The following DPP10 variants were observed in gnomAD, a reference collection of about 807,000 sequenced individuals.
DPP10 encodes dipeptidyl peptidase like 10.
Under a neutral mutation model 120.9 loss-of-function variants are expected in DPP10, and 33 were observed. The ratio of observed to expected loss-of-function variants is 0.27; its 90% confidence interval spans 0.21 to 0.37. The LOEUF (loss-of-function observed/expected upper bound fraction) is 0.37. Among genes scored for constraint, DPP10 ranks in the 10% least tolerant of loss-of-function variants. The pLI is 1.00. For synonymous variants in DPP10, 337 were observed against 326.1 expected (o/e 1.03, Z -0.36); for missense variants, 816 against 942.8 (o/e 0.87, Z 1.76).
chr2:115,752,090 A>G (rs1900282), intron 10 of DPP10, among the ~76,000 whole-genome samples: 79,308 of 152,060 alleles, frequency 0.52, 23,691 homozygotes, highest in East Asian at 0.72. Flanking sequence ...AAGTCACTGC[A>G]CCTGGCCAAA....
chr2:115,384,595 GAA>G, intron 3 of DPP10, among the ~76,000 whole-genome samples: 1 of 144,880 alleles, frequency 6.9e-6, no homozygotes, highest in African/African-American at 2.6e-5. Flanking sequence ...GGAAAAGGAA[GAA>G]GGAGGAAGAA....
chr2:115,774,305 A>G (rs75814760), intron 13 of DPP10, among the ~76,000 whole-genome samples: 1,954 of 152,102 alleles, frequency 0.013, 43 homozygotes, highest in African/African-American at 0.042. Context: ...AAGTGTCTCC[A>G]GATGTTTTCA....
At chr2:115,559,834 AT>A (rs1021671097) in intron 5 of DPP10, among the ~76,000 whole-genome samples, 14 of 152,276 alleles carry the variant, frequency 9.2e-5, no homozygotes, top group African/African-American at 3.4e-4. Context: ...TTAAAACTTT[AT>A]GTTTTTGTGG....
chr2:115,441,286 A>G (rs1474894019), intron 3 of DPP10, among the ~76,000 whole-genome samples: 1 of 152,220 alleles, frequency 6.6e-6, no homozygotes, highest in Non-Finnish European at 1.5e-5. Context: ...CTGAATCCCG[A>G]GTTGGGATTA....
intron 5 of DPP10, among the ~76,000 whole-genome samples, chr2:115,622,002 T>A (rs1437606362): frequency 1.3e-5 from 2 of 152,190 alleles, no homozygotes; most frequent in African/African-American, 2.4e-5. Flanking sequence ...TTTAATAGCT[T>A]TATTGAGATA....
chr2:115,534,525 G>C (rs1170176757), intron 5 of DPP10, among the ~76,000 whole-genome samples: 2 of 151,970 alleles, frequency 1.3e-5, no homozygotes, highest in African/African-American at 4.8e-5. Context: ...GGACATTTGG[G>C]TTGGTTCCAA....
At chr2:115,237,446 A>C (rs909823429) in intron 1 of DPP10, among the ~76,000 whole-genome samples, 2 of 152,126 alleles carry the variant, frequency 1.3e-5, no homozygotes, top group African/African-American at 4.8e-5. Flanking sequence ...CCTGATACAC[A>C]GCAACTTTGA....
intron 1 of DPP10, among the ~76,000 whole-genome samples, chr2:115,169,675 G>A (rs1009076560): frequency 1.3e-5 from 2 of 152,060 alleles, no homozygotes; most frequent in African/African-American, 2.4e-5. Context: ...CTTTGCATAC[G>A]GGAACAGGTG....
chr2:115,219,258 A>G (rs991218227), intron 1 of DPP10, among the ~76,000 whole-genome samples: 2 of 152,132 alleles, frequency 1.3e-5, no homozygotes, highest in Non-Finnish European at 2.9e-5. Context: ...TTATATTTCT[A>G]GACCAAAATT....
intron 1 of DPP10, among the ~76,000 whole-genome samples, chr2:114,480,150 A>T (rs1680891078): frequency 6.6e-6 from 1 of 152,052 alleles, no homozygotes; most frequent in Non-Finnish European, 1.5e-5. Context: ...TCAAAACCAC[A>T]ATGAGATACC....
At chr2:114,782,106 G>A (rs1483627229) in intron 1 of DPP10, among the ~76,000 whole-genome samples, 2 of 151,954 alleles carry the variant, frequency 1.3e-5, no homozygotes, top group African/African-American at 4.8e-5. Flanking sequence ...AGCTTTTGAA[G>A]CCAGCCTCAA....
intron 1 of DPP10, among the ~76,000 whole-genome samples, chr2:114,517,319 G>A (rs1465027982): frequency 9.9e-5 from 15 of 152,070 alleles, no homozygotes; most frequent in Admixed American, 5.2e-4. Flanking sequence ...TCAGGAGTTC[G>A]AGACCAGCCT....
At chr2:115,431,994 A>G (rs185035595) in intron 3 of DPP10, among the ~76,000 whole-genome samples, 41 of 152,262 alleles carry the variant, frequency 2.7e-4, no homozygotes, top group Non-Finnish European at 1.6e-4. Flanking sequence ...GGAAATCTGT[A>G]TACTGTATAG....
rs147200473 is a variant in DPP10 at position 115,631,450 on chromosome 2, A to G, written c.442-58237A>G. Among the ~76,000 whole-genome samples, 590 of 151,956 alleles carry G rather than the reference A, an allele frequency of 3.9e-3. 5 individuals carry two copies. The highest frequency in any genetic ancestry group is 3.0e-3 in the Non-Finnish European group (203 of 67,972). ...TCTTGGTTATTTCTTGTCTTCTGCC[A>G]GTTTTGGGGTTTGTTTACTGTTGGT... On this transcript the variant is annotated intron_variant, in intron 5 of 25. Transcript: ENST00000410059.
intron 8 of DPP10, among the ~76,000 whole-genome samples, chr2:115,729,149 C>G (rs1345492180): frequency 6.6e-6 from 1 of 152,124 alleles, no homozygotes; most frequent in Non-Finnish European, 1.5e-5. Flanking sequence ...TTGAGAGTTA[C>G]AGAATCTAAA....
Position 115,815,782 on chromosome 2 carries a change from A to G in DPP10, c.1950+53A>G, listed in dbSNP as rs137866647. On this transcript the variant is annotated intron_variant, in intron 21 of 25. Transcript: ENST00000410059. ...TTTTTATGCGTATCTATGTTATGTA[A>G]TATCCTATTACACATTCACAGGAGG... is the stretch of plus-strand genomic sequence containing the variant. 12,751 of 1,528,294 alleles carry G rather than the reference A, an allele frequency of 8.3e-3. 69 individuals carry two copies. The highest frequency in any genetic ancestry group is 0.01 in the Non-Finnish European group (11,267 of 1,114,992). 94.7% of individuals were successfully genotyped at this position (1,528,294 alleles called of 1,614,324 possible).
chr2:115,578,039 T>TA (rs2081786574), intron 5 of DPP10, among the ~76,000 whole-genome samples: 1 of 152,276 alleles, frequency 6.6e-6, no homozygotes, highest in Admixed American at 6.5e-5. Flanking sequence ...CTTTATCTAT[T>TA]AAAAAACTGA....
chr2:114,762,045 C>G (rs561618952), intron 1 of DPP10, among the ~76,000 whole-genome samples: 10 of 152,164 alleles, frequency 6.6e-5, no homozygotes, highest in Non-Finnish European at 1.5e-4. Context: ...CACTCTCCCC[C>G]GTCTAAGCAC....
intron 5 of DPP10, among the ~76,000 whole-genome samples, chr2:115,545,781 A>G (rs2079463763): frequency 6.6e-6 from 1 of 152,126 alleles, no homozygotes; most frequent in Non-Finnish European, 1.5e-5. Context: ...ACATCAGGAA[A>G]GAGCTGCCTA....
Sources: allele counts gnomAD v4.1 joint callset (sites outside exome capture counted in the v4.1 genomes callset), GRCh38; gene constraint gnomAD v4.1.1; transcripts MANE v1.5; gene names NCBI Gene and HGNC (gene_info 2026-07-23, HGNC 2026-07-21).